TRMU: variants seen among roughly 807,000 people sequenced by gnomAD.
The protein encoded by TRMU is mitochondrial tRNA-specific 2-thiouridylase 1.
A neutral mutation model predicts 46.9 loss-of-function variants in TRMU; 49 were observed. The observed-to-expected ratio is 1.05, with a 90% CI of 0.83 to 1.33. The LOEUF is 1.33. Ranked by LOEUF, TRMU falls within the 40% of genes most tolerant of loss-of-function variation. TRMU has a pLI of 0.00. For missense variants in TRMU, 572 were observed against 532.4 expected (o/e 1.07, Z -0.73); for synonymous variants, 241 against 200.9 (o/e 1.20, Z -1.69).
chr22:46,335,891 C>G, intron 1 of TRMU, 45 bp downstream of exon 1: 2 of 1,531,582 alleles, frequency 1.3e-6, no homozygotes, highest in Non-Finnish European at 1.7e-6. Flanking sequence ...GAATGTGTCC[C>G]CGGAAACCTG....
chr22:46,336,216 C>T lies in TRMU; in HGVS notation c.82+370C>T. On this transcript the variant is annotated intron_variant, in intron 1 of 10. Coordinates refer to ENST00000645190, the MANE Select transcript of TRMU (RefSeq NM_018006.5). This position sits in a 1 kb window ranked among gnomAD's most constrained non-coding sequence, Gnocchi z 4.1. Reference sequence around the variant, plus strand: ...GGACACTGGTGAGGGGAGCTGGGATCGCCGGGCCGGGGGCCTGACCTCTGC... The same window carrying T: ...GGACACTGGTGAGGGGAGCTGGGATTGCCGGGCCGGGGGCCTGACCTCTGC... The T allele has an allele frequency of 9.6e-7, 1 of 1,043,352 alleles. No individual in the cohort carries two copies. The highest frequency in any genetic ancestry group is 4.3e-4 in the Middle Eastern group (1 of 2,344). The allele number at this position is 1,043,352 out of a possible 1,614,324, so 64.6% of individuals were successfully genotyped here.
rs764427104 is a variant in TRMU, at chr22:46,342,763, G to A, written c.249-499G>A. On this transcript the variant is annotated intron_variant, in intron 2 of 10. Coordinates refer to ENST00000645190, the MANE Select transcript of TRMU (RefSeq NM_018006.5). The surrounding 1 kb of genome is among the most constrained non-coding windows in gnomAD (Gnocchi z 4.7). ...ACTTGAGGCCAGGAGTTGGAGACCA[G>A]CCTGGCCAACATGGTGAAACCCCGT... Among the ~76,000 whole-genome samples the A allele has an allele frequency of 1.3e-5, 2 of 152,270 alleles. No homozygotes were observed. The highest frequency in any genetic ancestry group is 6.5e-5 in the Admixed American group (1 of 15,290).
chr22:46,347,819 C>T lies in TRMU; in HGVS notation c.478+1275C>T, dbSNP rs1199922016. Among the ~76,000 whole-genome samples, 1 of 152,202 alleles carries T rather than the reference C, an allele frequency of 6.6e-6. No homozygotes were observed. The highest frequency in any genetic ancestry group is 1.9e-4 in the East Asian group (1 of 5,198). On this transcript the variant is annotated intron_variant, in intron 4 of 10. Transcript: ENST00000645190. This position sits in a 1 kb window ranked among gnomAD's most constrained non-coding sequence, Gnocchi z 5.0. ...CACTCCCCAGCCCCTGCTGCTTCTG[C>T]TGGGTCAGGCCCCAGCTGAGTTCTT...
chr22:46,348,910 G>A lies in TRMU; in HGVS notation c.479-1381G>A, dbSNP rs1255219824. ...AGCACTTTGGGAAGCCAAGGCAGGC[G>A]GATCATGAGGTCAGGAGTTCCAGAC... On this transcript the variant is annotated intron_variant, in intron 4 of 10. Transcript: ENST00000645190. The surrounding 1 kb of genome is among the most constrained non-coding windows in gnomAD (Gnocchi z 4.8). Among the ~76,000 whole-genome samples the A allele has an allele frequency of 5.3e-5, 8 of 151,902 alleles. No homozygotes were observed. Among genetic ancestry groups the A allele is most frequent in the Non-Finnish European group, 8.8e-5 (6 of 68,002 alleles).
intron 10 of TRMU, chr22:46,356,333 A>C: frequency 1.9e-6 from 1 of 527,414 alleles, no homozygotes. Flanking sequence ...CGGGCCCCAG[A>C]AGCGAGGACA....
intron 9 of TRMU, 183 bp downstream of exon 9, chr22:46,355,771 T>A: frequency 1.7e-6 from 2 of 1,146,606 alleles, no homozygotes; most frequent in African/African-American, 1.5e-5. Context: ...CTGGGGGTGC[T>A]GGGAGCAGAT....
At chr22:46,340,143 C>G (rs113071790) in intron 2 of TRMU, among the ~76,000 whole-genome samples, 1 of 152,016 alleles carries the variant, frequency 6.6e-6, no homozygotes, top group African/African-American at 2.4e-5. Context: ...AGACCTGGAC[C>G]GAGGTCTGGG....
Position 46,352,271 on chromosome 22 carries a change from A to C in TRMU, c.713A>C (p.Gln238Pro). ...GACATGTTTGTTTTCCAGTATCTGC[A>C]GCCTCGACCTGGTCACTTTATTTCC... ...NFEHFLLQYL[Q>P]PRPGHFISIE... Residue 238 changes from glutamine to proline, a missense_variant, in exon 7 of 11, where the codon CAG becomes CCG. Coordinates refer to ENST00000645190, the MANE Select transcript of TRMU (RefSeq NM_018006.5). The C allele has an allele frequency of 6.2e-7, 1 of 1,614,144 alleles. No homozygotes were observed. The highest frequency in any genetic ancestry group is 1.1e-5 in the South Asian group (1 of 91,092).
Position 46,356,927 on chromosome 22 carries a change from G to A in TRMU, c.1187G>A (p.Gly396Asp), listed in dbSNP as rs2147123915. The change falls in exon 11 of 11, where the codon GGC (glycine) becomes GAC (aspartate). Residue 396 changes from glycine to aspartate, a missense_variant. Physicochemically the swap from Gly to Asp is moderately conservative, Grantham distance 94. Coordinates refer to ENST00000645190, the MANE Select transcript of TRMU (RefSeq NM_018006.5). ...CCGTCTGCCTACACGCTCCAGAAGGGCCAGCGCAGAGCTGGGATGGCCACT... is the reference window on the plus strand; with the variant it reads ...CCGTCTGCCTACACGCTCCAGAAGGACCAGCGCAGAGCTGGGATGGCCACT... ...LGPSAYTLQK[G>D]QRRAGMATES... 1 of 1,613,284 alleles carries A rather than the reference G, an allele frequency of 6.2e-7. No individual in the cohort carries two copies. Among genetic ancestry groups the A allele is most frequent in the Non-Finnish European group, 8.5e-7 (1 of 1,179,882 alleles).
rs2078059716 is a variant in TRMU, at chr22:46,339,296, T to C, written c.248+1352T>C. ...TCCCAAGTAGCTGGGATTATAGGCA[T>C]GCACCACCACGCCCGGATAATTTTT... is the stretch of plus-strand genomic sequence containing the variant. On this transcript the variant is annotated intron_variant, in intron 2 of 10. Transcript: ENST00000645190. The surrounding 1 kb of genome is among the most constrained non-coding windows in gnomAD (Gnocchi z 4.8). 1.3e-5 allele frequency among the ~76,000 whole-genome samples: 2 copies of C among 152,148 alleles called. No individual in the cohort carries two copies. The highest frequency in any genetic ancestry group is 4.8e-5 in the African/African-American group (2 of 41,450).
In TRMU at chr22:46,349,338, G is replaced by A. The variant is rs2078343727; in HGVS notation, c.479-953G>A. On this transcript the variant is annotated intron_variant, in intron 4 of 10. Transcript: ENST00000645190. This position sits in a 1 kb window ranked among gnomAD's most constrained non-coding sequence, Gnocchi z 4.6. The stretch of plus-strand genomic sequence containing the variant: ...CGAGTCATATGTGATGAACTGGGCC[G>A]GCTCCAGTCTCCCCTCTGTAACGTG... 6.6e-6 allele frequency among the ~76,000 whole-genome samples: 1 copy of A among 152,140 alleles called. No individual in the cohort carries two copies. Among genetic ancestry groups the A allele is most frequent in the Non-Finnish European group, 1.5e-5 (1 of 68,024 alleles).
At chr22:46,355,618 GC>G (rs772839920) in intron 9 of TRMU, 30 bp downstream of exon 9, 10 of 1,613,064 alleles carry the variant, frequency 6.2e-6, no homozygotes, top group Non-Finnish European at 7.6e-6. Flanking sequence ...CTGAGGACGG[GC>G]CCCTTGAAGC....
chr22:46,343,259 T>C lies in TRMU; in HGVS notation c.249-3T>C. On this transcript the variant is annotated splice_region_variant and splice_polypyrimidine_tract_variant and intron_variant, in intron 2 of 10. Transcript: ENST00000645190. ...GAACTGAAGTCATTTTCTTTTATTC[T>C]AGTGACTTTTTGAATGAGTATGAAA... is the stretch of plus-strand genomic sequence containing the variant. 1.2e-6 allele frequency: 2 copies of C among 1,601,992 alleles called. No individual in the cohort carries two copies. Among genetic ancestry groups the C allele is most frequent in the Non-Finnish European group, 1.7e-6 (2 of 1,169,402 alleles).
chr22:46,344,221 T>C lies in TRMU; in HGVS notation c.355+853T>C, dbSNP rs139129978. Among the ~76,000 whole-genome samples the C allele has an allele frequency of 8.9e-4, 136 of 152,224 alleles. 1 individual carries two copies. The highest frequency in any genetic ancestry group is 3.0e-3 in the African/African-American group (126 of 41,542). Reference sequence around the variant, plus strand: ...TTGCAGAAAATCTGGGGGATTTAGGTGCCCCCAGGCTGACTGAGCCAGTAG... The same window carrying C: ...TTGCAGAAAATCTGGGGGATTTAGGCGCCCCCAGGCTGACTGAGCCAGTAG... On this transcript the variant is annotated intron_variant, in intron 3 of 10. Transcript: ENST00000645190.
Position 46,351,480 on chromosome 22 carries a change from C to T in TRMU, c.652-641C>T, listed in dbSNP as rs1044110585. On this transcript the variant is annotated intron_variant, in intron 5 of 10. Coordinates refer to ENST00000645190, the MANE Select transcript of TRMU (RefSeq NM_018006.5). This position sits in a 1 kb window ranked among gnomAD's most constrained non-coding sequence, Gnocchi z 6.4. ...TCGTGTCTCTTCCTGGTAATGGAAA[C>T]GGCCATACCTTTCATCAGAGCCATC... 2.0e-5 allele frequency among the ~76,000 whole-genome samples: 3 copies of T among 152,150 alleles called. No homozygotes were observed. Among genetic ancestry groups the T allele is most frequent in the African/African-American group, 7.2e-5 (3 of 41,428 alleles).
At position 46,355,473 on chromosome 22, in the gene TRMU, C is replaced by T. The variant is rs779868712; in HGVS notation, c.903C>T (p.Tyr301=). The change falls in exon 9 of 11, where the codon TAC becomes TAT. Residue 301 remains tyrosine (Y), a synonymous_variant. Coordinates refer to ENST00000645190, the MANE Select transcript of TRMU (RefSeq NM_018006.5). ...CCCGGACAGACCACCCAGCCCTGTACAGGGACCTGCTGAGGACCAGCCGCG... is the reference window on the plus strand; with the variant it reads ...CCCGGACAGACCACCCAGCCCTGTATAGGGACCTGCTGAGGACCAGCCGCG... ...VAPRTDHPAL[Y]RDLLRTSRVH... 15 of 1,613,158 alleles carry T rather than the reference C, an allele frequency of 9.3e-6. No individual in the cohort carries two copies. The highest frequency in any genetic ancestry group is 1.7e-4 in the Middle Eastern group (1 of 6,060).
At position 46,356,759 on chromosome 22, in the gene TRMU, G is replaced by C. The variant is rs370388725; in HGVS notation, c.1102-83G>C. 2.7e-4 allele frequency: 417 copies of C among 1,536,444 alleles called. 1 individual carries two copies. The African/African-American group carries it at 4.8e-3, about 18-fold the overall frequency. On this transcript the variant is annotated intron_variant, in intron 10 of 10. Transcript: ENST00000645190. ...GCCTGGTGCTCCGAGCACAGGCCAG[G>C]CCCCATAGGGGAGCACTCTGCCCCT...
chr22:46,349,367 A>C lies in TRMU; in HGVS notation c.479-924A>C, dbSNP rs1226259925. ...CCAGTCTCCCCTCTGTAACGTGGGG[A>C]GAATTCTCCCTCTCACGGCTAACGT... On this transcript the variant is annotated intron_variant, in intron 4 of 10. Transcript: ENST00000645190. This position sits in a 1 kb window ranked among gnomAD's most constrained non-coding sequence, Gnocchi z 4.6. Among the ~76,000 whole-genome samples the C allele has an allele frequency of 1.3e-5, 2 of 152,128 alleles. No individual in the cohort carries two copies. Among genetic ancestry groups the C allele is most frequent in the Admixed American group, 1.3e-4 (2 of 15,278 alleles).
chr22:46,353,706 AGGCGTGACATGTG>A (rs1204453903), intron 7 of TRMU, 48 bp from the exon 8 acceptor site: 1 of 1,497,320 alleles, frequency 6.7e-7, no homozygotes, highest in Non-Finnish European at 9.3e-7. Context: ...CTTCATGATG[AGGCGTGACATGTG>A]GGCTGTAACT....
Sources: gnomAD v4.1 joint callset for allele counts (sites outside exome capture counted in the v4.1 genomes callset) on GRCh38, gnomAD v4.1.1 for gene constraint, Gnocchi (gnomAD v3.1) non-coding constraint, MANE v1.5 for transcripts, NCBI Gene and HGNC (gene_info 2026-07-23, HGNC 2026-07-21) for gene names.